Variants in RFTN1 observed in about 807,000 individuals in gnomAD.
RFTN1 encodes raftlin, lipid raft linker 1.
A neutral mutation model predicts 46.5 loss-of-function variants in RFTN1; 26 were observed. The observed-to-expected ratio is 0.56, with a 90% CI of 0.41 to 0.78. RFTN1 has a LOEUF of 0.78. RFTN1 is among the 30% of genes least tolerant of loss of function. The pLI is 0.00. For missense variants in RFTN1, 693 were observed against 718.7 expected, an observed-to-expected ratio of 0.96 and a Z score of 0.41; for synonymous variants, 261 against 284.2, an observed-to-expected ratio of 0.92 and a Z score of 0.82.
chr3:16,464,334 G>A (rs971738483), intron 2 of RFTN1, among the ~76,000 whole-genome samples: 40 of 152,244 alleles, frequency 2.6e-4, no homozygotes, highest in African/African-American at 8.4e-4. Flanking sequence ...GCTACAGATC[G>A]TCAGCTCACC....
chr3:16,414,685 T>C (rs963495096), intron 3 of RFTN1, among the ~76,000 whole-genome samples: 9 of 149,748 alleles, frequency 6.0e-5, no homozygotes, highest in Non-Finnish European at 1.0e-4. Context: ...AGGGAGACAG[T>C]TGTAGTTTTA....
At chr3:16,503,022 G>T (rs552731136) in intron 1 of RFTN1, among the ~76,000 whole-genome samples, 2 of 152,282 alleles carry the variant, frequency 1.3e-5, no homozygotes, top group South Asian at 2.1e-4. Flanking sequence ...GGTGTAATTT[G>T]TTACACAATA....
At position 16,376,085 on chromosome 3, in the gene RFTN1, G is replaced by A. The variant is rs1472075199; in HGVS notation, c.826+1633C>T. Among the ~76,000 whole-genome samples, 1 of 152,168 alleles carries A rather than the reference G, an allele frequency of 6.6e-6. No homozygotes were observed. Among genetic ancestry groups the A allele is most frequent in the Non-Finnish European group, 1.5e-5 (1 of 68,018 alleles). On this transcript the variant is annotated intron_variant, in intron 5 of 9. Coordinates refer to ENST00000334133, the MANE Select transcript of RFTN1 (RefSeq NM_015150.2). This position sits in a 1 kb window ranked among gnomAD's most constrained non-coding sequence, Gnocchi z 4.7. ...GGGCTCTGGAACACAGGAAGCATCTGAAAGCTACTGAGGAAACCTCAATAG... is the reference window on the plus strand; with the variant it reads ...GGGCTCTGGAACACAGGAAGCATCTAAAAGCTACTGAGGAAACCTCAATAG...
chr3:16,455,991 G>A (rs2075898889), intron 2 of RFTN1, among the ~76,000 whole-genome samples: 1 of 120,664 alleles, frequency 8.3e-6, no homozygotes, highest in South Asian at 2.5e-4. Flanking sequence ...CCCCGTCTCT[G>A]CATTATCATT....
At position 16,322,650 on chromosome 3, in the gene RFTN1, C is replaced by G. The variant is rs1261128036; in HGVS notation, c.1332+726G>C. 6.6e-6 allele frequency among the ~76,000 whole-genome samples: 1 copy of G among 152,218 alleles called. No homozygotes were observed. Among genetic ancestry groups the G allele is most frequent in the East Asian group, 1.9e-4 (1 of 5,190 alleles). ...AGGCTGCTCAGGGTGGGGTGGGAAG[C>G]ATCAGAATCATCTGGCACAAGGGTT... On this transcript the variant is annotated intron_variant, in intron 9 of 9. Coordinates refer to ENST00000334133, the MANE Select transcript of RFTN1 (RefSeq NM_015150.2). This position sits in a 1 kb window ranked among gnomAD's most constrained non-coding sequence, Gnocchi z 6.2.
intron 6 of RFTN1, among the ~76,000 whole-genome samples, chr3:16,362,510 C>T (rs1297505781): frequency 6.6e-6 from 1 of 152,154 alleles, no homozygotes; most frequent in Admixed American, 6.5e-5. Context: ...CCATCTGGAG[C>T]CCCTATCACA....
Position 16,459,726 on chromosome 3 carries a change from ACTTATAT to A in RFTN1, c.146-25696_146-25690del, listed in dbSNP as rs1216297815. Among the ~76,000 whole-genome samples, 4 of 152,180 alleles carry A rather than the reference ACTTATAT, an allele frequency of 2.6e-5. No homozygotes were observed. The highest frequency in any genetic ancestry group is 9.7e-5 in the African/African-American group (4 of 41,442). ...AATTCACTTGCTTAAATAAGCCATC[ACTTATAT>A]CTAGTCAATATCATCATGTTATAGA... On this transcript the variant is annotated intron_variant, in intron 2 of 9. Coordinates refer to ENST00000334133, the MANE Select transcript of RFTN1 (RefSeq NM_015150.2). This position sits in a 1 kb window ranked among gnomAD's most constrained non-coding sequence, Gnocchi z 4.2.
In RFTN1 at chr3:16,440,521, G is replaced by C. The variant is rs2075600791; in HGVS notation, c.146-6484C>G. ...CTTCTCCCCTACCTGGGCAGGGGCA[G>C]AGTCTCATCTCCTTACTGGACAGAG... is the stretch of plus-strand genomic sequence containing the variant. On this transcript the variant is annotated intron_variant, in intron 2 of 9. Coordinates refer to ENST00000334133, the MANE Select transcript of RFTN1 (RefSeq NM_015150.2). The surrounding 1 kb of genome is among the most constrained non-coding windows in gnomAD (Gnocchi z 4.6). Among the ~76,000 whole-genome samples the C allele has an allele frequency of 6.6e-6, 1 of 152,186 alleles. No individual in the cohort carries two copies. The highest frequency in any genetic ancestry group is 1.5e-5 in the Non-Finnish European group (1 of 68,026).
intron 1 of RFTN1, among the ~76,000 whole-genome samples, chr3:16,502,396 A>AAAAG (rs1553605229): frequency 8.6e-5 from 13 of 151,942 alleles, no homozygotes; most frequent in African/African-American, 2.7e-4. Context: ...AAAAAAAAAA[A>AAAAG]AAAGAAAGAA....
At chr3:16,462,908 A>G (rs2076031334) in intron 2 of RFTN1, among the ~76,000 whole-genome samples, 5 of 152,258 alleles carry the variant, frequency 3.3e-5, no homozygotes, top group Admixed American at 3.3e-4. Context: ...GGCTGGTGTT[A>G]TGAATTGAGC....
rs1191219562 is a variant in RFTN1 at position 16,479,490 on chromosome 3, C to T, written c.145+14235G>A. On this transcript the variant is annotated intron_variant, in intron 2 of 9. Coordinates refer to ENST00000334133, the MANE Select transcript of RFTN1 (RefSeq NM_015150.2). The surrounding 1 kb of genome is among the most constrained non-coding windows in gnomAD (Gnocchi z 5.1). Reference sequence around the variant, plus strand: ...GGAAGGCAATCCAGAAAAACCTCAACATCCTTCTCCCCATTCCTTGCACAC... The same window carrying T: ...GGAAGGCAATCCAGAAAAACCTCAATATCCTTCTCCCCATTCCTTGCACAC... 6.6e-6 allele frequency among the ~76,000 whole-genome samples: 1 copy of T among 152,216 alleles called. No homozygotes were observed. Among genetic ancestry groups the T allele is most frequent in the African/African-American group, 2.4e-5 (1 of 41,458 alleles).
At chr3:16,350,679 G>A (rs1171673021) in intron 7 of RFTN1, among the ~76,000 whole-genome samples, 1 of 152,160 alleles carries the variant, frequency 6.6e-6, no homozygotes, top group African/African-American at 2.4e-5. Context: ...TTGCTTTGCA[G>A]TGGGAAAGGA....
At chr3:16,401,538 C>G (rs2074602080) in intron 4 of RFTN1, among the ~76,000 whole-genome samples, 2 of 152,164 alleles carry the variant, frequency 1.3e-5, no homozygotes, top group Non-Finnish European at 2.9e-5. Flanking sequence ...TGATACTATT[C>G]TCCATCTCTT....
In RFTN1 at chr3:16,484,282, A is replaced by G. The variant is rs1272111632; in HGVS notation, c.145+9443T>C. Among the ~76,000 whole-genome samples, 1 of 152,216 alleles carries G rather than the reference A, an allele frequency of 6.6e-6. No individual in the cohort carries two copies. The highest frequency in any genetic ancestry group is 6.5e-5 in the Admixed American group (1 of 15,288). On this transcript the variant is annotated intron_variant, in intron 2 of 9. Transcript: ENST00000334133. This position sits in a 1 kb window ranked among gnomAD's most constrained non-coding sequence, Gnocchi z 4.6. Reference sequence around the variant, plus strand: ...TCAGCTGCTTCTGTAGTTGTGTGTCAGACTAACACCCCCCAGACTGGAGGT... The same window carrying G: ...TCAGCTGCTTCTGTAGTTGTGTGTCGGACTAACACCCCCCAGACTGGAGGT...
At position 16,506,170 on chromosome 3, in the gene RFTN1, A is replaced by G. The variant is rs935036264; in HGVS notation, c.-9+7272T>C. On this transcript the variant is annotated intron_variant, in intron 1 of 9. Transcript: ENST00000334133. The surrounding 1 kb of genome is among the most constrained non-coding windows in gnomAD (Gnocchi z 4.8). Reference sequence around the variant, plus strand: ...GGGATTGGGAAAGGCCACACCCAGAAGGTGACGTTTAAGCAAAATCATGAG... The same window carrying G: ...GGGATTGGGAAAGGCCACACCCAGAGGGTGACGTTTAAGCAAAATCATGAG... 6.6e-6 allele frequency among the ~76,000 whole-genome samples: 1 copy of G among 152,180 alleles called. No homozygotes were observed. Among genetic ancestry groups the G allele is most frequent in the African/African-American group, 2.4e-5 (1 of 41,430 alleles).
chr3:16,385,506 T>A lies in RFTN1; in HGVS notation c.442-7404A>T, dbSNP rs1575197050. On this transcript the variant is annotated intron_variant, in intron 4 of 9. Coordinates refer to ENST00000334133, the MANE Select transcript of RFTN1 (RefSeq NM_015150.2). The surrounding 1 kb of genome is among the most constrained non-coding windows in gnomAD (Gnocchi z 5.0). Reference sequence around the variant, plus strand: ...GTTTGAAGGCTTAAAGCTTTGGACCTGGCTCTGTTACTCAGTAGTTATATT... The same window carrying A: ...GTTTGAAGGCTTAAAGCTTTGGACCAGGCTCTGTTACTCAGTAGTTATATT... Among the ~76,000 whole-genome samples, 1 of 152,244 alleles carries A rather than the reference T, an allele frequency of 6.6e-6. No homozygotes were observed. Among genetic ancestry groups the A allele is most frequent in the East Asian group, 1.9e-4 (1 of 5,206 alleles).
In RFTN1 at chr3:16,465,456, C is replaced by CACACA. The variant is rs1374463813; in HGVS notation, c.145+28268_145+28269insTGTGT. The stretch of plus-strand genomic sequence containing the variant: ...CACACACACACACACACACACACAC[C>CACACA]CCATGCCTGATTAAACAAAATAATT... On this transcript the variant is annotated intron_variant, in intron 2 of 9. Transcript: ENST00000334133. The surrounding 1 kb of genome is among the most constrained non-coding windows in gnomAD (Gnocchi z 5.1). Among the ~76,000 whole-genome samples the CACACA allele has an allele frequency of 7.8e-6, 1 of 127,448 alleles. No individual in the cohort carries two copies. Among genetic ancestry groups the CACACA allele is most frequent in the African/African-American group, 3.2e-5 (1 of 31,696 alleles). 83.6% of individuals were successfully genotyped at this position (127,448 alleles called of 152,430 possible).
chr3:16,433,908 C>A lies in RFTN1; in HGVS notation c.275G>T (p.Arg92Leu). The A allele has an allele frequency of 1.9e-6, 3 of 1,614,206 alleles. No individual in the cohort carries two copies. Among genetic ancestry groups the A allele is most frequent in the Non-Finnish European group, 2.5e-6 (3 of 1,180,040 alleles). Residue 92 changes from arginine (R) to leucine (L), a missense_variant, in exon 3 of 10, where the codon CGG (arginine) becomes CTG (leucine). Physicochemically the swap from Arg to Leu is moderately radical, Grantham distance 102. Transcript: ENST00000334133. This position sits in a 1 kb window ranked among gnomAD's most constrained non-coding sequence, Gnocchi z 4.4. ...LHPFVQPTHEREKTPLEHIFR... is the reference protein window; with the variant it reads ...LHPFVQPTHELEKTPLEHIFR... ...GATGTGCTCCAGGGGCGTCTTCTCC[C>A]GCTCATGGGTGGGCTGCACGAAGGG... is the stretch of plus-strand genomic sequence containing the variant.
At position 16,385,973 on chromosome 3, in the gene RFTN1, C is replaced by T. The variant is rs2074158658; in HGVS notation, c.442-7871G>A. On this transcript the variant is annotated intron_variant, in intron 4 of 9. Transcript: ENST00000334133. This position sits in a 1 kb window ranked among gnomAD's most constrained non-coding sequence, Gnocchi z 5.0. ...CCTCCAAGGCTGCAAGACCCCCAGG[C>T]TTCCATTAAATGCTGCTGCACACCC... is the stretch of plus-strand genomic sequence containing the variant. Among the ~76,000 whole-genome samples the T allele has an allele frequency of 6.6e-6, 1 of 152,230 alleles. No individual in the cohort carries two copies. The highest frequency in any genetic ancestry group is 2.4e-5 in the African/African-American group (1 of 41,462).
Sources: gnomAD v4.1 joint callset for allele counts (sites outside exome capture counted in the v4.1 genomes callset) on GRCh38, gnomAD v4.1.1 for gene constraint, Gnocchi (gnomAD v3.1) non-coding constraint, MANE v1.5 for transcripts, NCBI Gene and HGNC (gene_info 2026-07-23, HGNC 2026-07-21) for gene names.